The following PCDH11Y variants were observed in gnomAD, a reference collection of about 807,000 sequenced individuals.
PCDH11Y encodes the protein protocadherin 11 Y-linked.
For missense variants in PCDH11Y, 12 were observed against 224.8 expected (o/e 0.05, Z 6.05); for synonymous variants, 9 against 83.6 (o/e 0.11, Z 4.87).
At chrY:5,339,062 A>T in intron 2 of PCDH11Y, 1 of 119,750 alleles carries the variant, frequency 8.4e-6, no homozygotes, top group Non-Finnish European at 1.6e-5. Flanking sequence ...TACAAATTGT[A>T]AACTTTTCTA....
intron 2 of PCDH11Y, among the ~76,000 whole-genome samples, chrY:5,233,878 A>T (rs2124654114): frequency 3.0e-5 from 1 of 33,112 alleles, no homozygotes; most frequent in South Asian, 6.6e-4. Context: ...TTGAACTTTA[A>T]GTTTTTAACA....
At chrY:5,285,799 T>C in intron 2 of PCDH11Y, among the ~76,000 whole-genome samples, 1 of 33,795 alleles carries the variant, frequency 3.0e-5, no homozygotes, top group African/African-American at 1.2e-4. Context: ...AGATTCTGGA[T>C]ATAAGACCTT....
At chrY:5,023,202 T>A (rs1602838769) in intron 1 of PCDH11Y, among the ~76,000 whole-genome samples, 1 of 33,609 alleles carries the variant, frequency 3.0e-5, no homozygotes, top group East Asian at 7.9e-4. Flanking sequence ...TCTCAGAATG[T>A]GTTAAAAATG....
At chrY:5,441,736 C>T (rs1602926248) in intron 2 of PCDH11Y, among the ~76,000 whole-genome samples, 1 of 34,403 alleles carries the variant, frequency 2.9e-5, no homozygotes, top group African/African-American at 1.1e-4. Context: ...GTCCTGGCAG[C>T]TTTTTATCCT....
At chrY:5,117,181 AG>A (rs2052811815) in intron 2 of PCDH11Y, among the ~76,000 whole-genome samples, 2 of 32,591 alleles carry the variant, frequency 6.1e-5, no homozygotes, top group Non-Finnish European at 1.5e-4. Context: ...TTTCTGGATA[AG>A]GTGACTCTTT....
intron 2 of PCDH11Y, among the ~76,000 whole-genome samples, chrY:5,245,491 C>G (rs2124656083): frequency 6.3e-5 from 2 of 31,752 alleles, no homozygotes; most frequent in African/African-American, 1.2e-4. Context: ...AAGTGAACCC[C>G]CAGAAAACCC....
chrY:5,719,125 A>AAG (rs2053592548), intron 4 of PCDH11Y, among the ~76,000 whole-genome samples: 1 of 32,912 alleles, frequency 3.0e-5, no homozygotes, highest in Admixed American at 2.8e-4. Context: ...TTCATTCACA[A>AAG]AGAAATGGTT....
intron 2 of PCDH11Y, among the ~76,000 whole-genome samples, chrY:5,318,377 CA>C (rs2053109221): frequency 3.1e-5 from 1 of 32,330 alleles, no homozygotes; most frequent in Non-Finnish European, 7.5e-5. Context: ...TCAGACTCAT[CA>C]CGGAAAGTGA....
At chrY:5,124,312 T>G in intron 2 of PCDH11Y, among the ~76,000 whole-genome samples, 1 of 33,001 alleles carries the variant, frequency 3.0e-5, no homozygotes, top group African/African-American at 1.2e-4. Context: ...CCACCTACAC[T>G]TCCTCAATTC....
intron 2 of PCDH11Y, among the ~76,000 whole-genome samples, chrY:5,321,632 T>G: frequency 3.0e-5 from 1 of 32,968 alleles, no homozygotes; most frequent in Non-Finnish European, 7.4e-5. Flanking sequence ...TACATTTCTC[T>G]TTAATTTTGT....
At chrY:5,498,029 G>C (rs1602934365) in intron 2 of PCDH11Y, among the ~76,000 whole-genome samples, 1 of 32,172 alleles carries the variant, frequency 3.1e-5, no homozygotes, top group African/African-American at 1.2e-4. Context: ...CCAGTTTATC[G>C]ATCTGGGTGG....
chrY:5,577,093 G>A, intron 3 of PCDH11Y, among the ~76,000 whole-genome samples: 3 of 32,706 alleles, frequency 9.2e-5, no homozygotes, highest in Non-Finnish European at 1.5e-4. Context: ...ATGCTGAATC[G>A]GATGACTGTC....
At chrY:5,347,850 A>G (rs2053153817) in intron 2 of PCDH11Y, among the ~76,000 whole-genome samples, 1 of 33,152 alleles carries the variant, frequency 3.0e-5, no homozygotes, top group Non-Finnish European at 7.4e-5. Context: ...TGTGGGCAGT[A>G]ACCATACAAT....
intron 2 of PCDH11Y, among the ~76,000 whole-genome samples, chrY:5,407,730 G>A (rs2053240618): frequency 6.5e-5 from 2 of 30,687 alleles, no homozygotes; most frequent in Non-Finnish European, 1.6e-4. Flanking sequence ...TGGCTAACAA[G>A]GTGAAACCCC....
intron 2 of PCDH11Y, among the ~76,000 whole-genome samples, chrY:5,357,296 G>T (rs2053169098): frequency 4.4e-5 from 1 of 22,561 alleles, no homozygotes; most frequent in Non-Finnish European, 9.8e-5. Context: ...TAACTTAACT[G>T]CTTAGTCAGT....
intron 4 of PCDH11Y, among the ~76,000 whole-genome samples, chrY:5,637,795 C>T: frequency 1.0e-4 from 3 of 30,114 alleles, no homozygotes; most frequent in African/African-American, 2.5e-4. Context: ...GTAGAATAAT[C>T]AGGGCCTTCA....
intron 1 of PCDH11Y, among the ~76,000 whole-genome samples, chrY:5,091,295 C>G (rs2052740802): frequency 3.0e-5 from 1 of 33,273 alleles, no homozygotes; most frequent in Non-Finnish European, 7.5e-5. Flanking sequence ...TGCAAGTGCA[C>G]ATGTGAGCAC....
At chrY:5,613,391 C>T in intron 4 of PCDH11Y, among the ~76,000 whole-genome samples, 1 of 32,139 alleles carries the variant, frequency 3.1e-5, no homozygotes, top group Admixed American at 2.9e-4. Flanking sequence ...CAAAAATTTC[C>T]TTAAACAAAA....
intron 4 of PCDH11Y, among the ~76,000 whole-genome samples, chrY:5,634,127 T>C: frequency 1.2e-4 from 3 of 25,970 alleles, no homozygotes; most frequent in African/African-American, 3.1e-4. Flanking sequence ...GGCAGGAGAA[T>C]GGCGTGAACC....
Sources: gnomAD v4.1 joint callset for allele counts (sites outside exome capture counted in the v4.1 genomes callset) on GRCh38, gnomAD v4.1.1 for gene constraint, MANE v1.5 for transcripts, NCBI Gene and HGNC (gene_info 2026-07-23, HGNC 2026-07-21) for gene names.